The following UBE3D variants were observed in gnomAD, a reference collection of about 807,000 sequenced individuals.
UBE3D encodes ubiquitin protein ligase E3D, also known as E3 ubiquitin-protein ligase E3D.
In UBE3D, 48 loss-of-function variants were observed where a neutral mutation model predicts 49.6. The observed-to-expected ratio is 0.97, with a 90% confidence interval of 0.77 to 1.23. The LOEUF is 1.23. Among genes scored for constraint, UBE3D ranks in the 50% most tolerant of loss-of-function variants. The pLI is 0.00. For missense variants in UBE3D, 452 were observed against 468.4 expected (o/e 0.96, Z 0.32); for synonymous variants, 189 against 174.2 (o/e 1.08, Z -0.67).
chr6:83,006,241 A>G (rs1289305442), intron 8 of UBE3D, among the ~76,000 whole-genome samples: 1 of 151,164 alleles, frequency 6.6e-6, no homozygotes, highest in African/African-American at 2.4e-5. Flanking sequence ...CAAACAAACA[A>G]AAAAAAAAAA....
chr6:83,006,256 C>T (rs1341265626), intron 8 of UBE3D, among the ~76,000 whole-genome samples: 2 of 151,918 alleles, frequency 1.3e-5, no homozygotes, highest in African/African-American at 2.4e-5. Context: ...AAAAAAGTAG[C>T]CAATGTTATG....
intron 8 of UBE3D, among the ~76,000 whole-genome samples, chr6:82,977,073 C>CA (rs1777773490): frequency 1.4e-5 from 2 of 139,396 alleles, no homozygotes; most frequent in African/African-American, 2.8e-5. Context: ...GAGATTGTGC[C>CA]ACTGCACTCC....
intron 1 of UBE3D, 124 bp from the exon 2 acceptor site, chr6:83,058,146 C>T: frequency 2.2e-6 from 2 of 897,138 alleles, no homozygotes. Flanking sequence ...GTCACTGCCC[C>T]AGAAAAACAG....
intron 3 of UBE3D, chr6:83,049,891 G>A: frequency 2.2e-6 from 1 of 446,688 alleles, no homozygotes; most frequent in South Asian, 1.6e-5. Context: ...CTGTTTCTGA[G>A]ACTATTCACA....
At chr6:82,887,338 G>A in the UBE3D span, among the ~76,000 whole-genome samples, 2 of 143,818 alleles carry the variant, frequency 1.4e-5, no homozygotes, top group East Asian at 2.0e-4. Context: ...AAAAAAAAAA[G>A]GGAGAGAGAG....
At position 83,044,630 on chromosome 6, in the gene UBE3D, C is replaced by T. The variant is rs1159865367; in HGVS notation, c.395G>A (p.Ser132Asn). The change falls in exon 4 of 10, where the codon AGT (serine) becomes AAT (asparagine). Residue 132 changes from serine (S) to asparagine (N), a missense_variant. Physicochemically the swap from Ser to Asn is conservative, Grantham distance 46. Coordinates refer to ENST00000369747, the MANE Select transcript of UBE3D (RefSeq NM_198920.3). ...RKLLRVLPLP[S>N]ENWGALVGEW... ...TCCAACTAGAGCTCCCCAGTTCTCA[C>T]TCGGCAGTGGGAGCACCCTGAGGAG... is the stretch of plus-strand genomic sequence containing the variant. 3.2e-5 allele frequency: 51 copies of T among 1,613,990 alleles called. No homozygotes were observed. Among genetic ancestry groups the T allele is most frequent in the Non-Finnish European group, 4.1e-5 (48 of 1,179,974 alleles).
intron 4 of UBE3D, among the ~76,000 whole-genome samples, chr6:83,041,159 G>A (rs1187046259): frequency 1.3e-5 from 2 of 152,184 alleles, no homozygotes; most frequent in Non-Finnish European, 2.9e-5. Flanking sequence ...TGCTTGAAAA[G>A]AAAGAATTTT....
chr6:82,893,417 T>TA (rs1347510218), intron 9 of UBE3D, among the ~76,000 whole-genome samples: 1 of 152,190 alleles, frequency 6.6e-6, no homozygotes, highest in African/African-American at 2.4e-5. Flanking sequence ...TCCTCATCCC[T>TA]ATAGGTAATT....
intron 9 of UBE3D, among the ~76,000 whole-genome samples, chr6:82,936,178 G>T (rs1313911269): frequency 6.6e-6 from 1 of 152,032 alleles, no homozygotes; most frequent in Admixed American, 6.6e-5. Context: ...ATTCCATCCT[G>T]CCCCTGCCAA....
chr6:82,992,629 G>C (rs532486094), intron 8 of UBE3D, among the ~76,000 whole-genome samples: 1 of 152,062 alleles, frequency 6.6e-6, no homozygotes, highest in African/African-American at 2.4e-5. Context: ...ACAGTTACAC[G>C]CCTTCTTTTT....
chr6:83,013,761 C>T (rs947115110), intron 8 of UBE3D, among the ~76,000 whole-genome samples: 12 of 152,082 alleles, frequency 7.9e-5, no homozygotes, highest in African/African-American at 2.4e-4. Context: ...GAATTTTAAT[C>T]GGATTTATTT....
intron 9 of UBE3D, among the ~76,000 whole-genome samples, chr6:82,948,140 G>A (rs771658280): frequency 1.7e-4 from 25 of 151,338 alleles, no homozygotes; most frequent in African/African-American, 5.6e-4. Flanking sequence ...GAATAACTAC[G>A]AAAACATGAG....
chr6:82,928,535 C>T (rs1773919575), intron 9 of UBE3D, among the ~76,000 whole-genome samples: 1 of 152,122 alleles, frequency 6.6e-6, no homozygotes, highest in South Asian at 2.1e-4. Flanking sequence ...GTTTCAGGGA[C>T]ACCAACCACC....
At chr6:82,893,638 G>A (rs1403683855) in intron 9 of UBE3D, among the ~76,000 whole-genome samples, 3 of 152,180 alleles carry the variant, frequency 2.0e-5, no homozygotes, top group Non-Finnish European at 2.9e-5. Flanking sequence ...AATCATAAAT[G>A]TTTAGAAAGG....
At chr6:82,954,103 G>T (rs1029959524) in intron 9 of UBE3D, among the ~76,000 whole-genome samples, 3 of 152,212 alleles carry the variant, frequency 2.0e-5, no homozygotes, top group African/African-American at 7.2e-5. Context: ...GGGCCAAGAT[G>T]TTCCCCGGCC....
chr6:83,040,762 GC>G (rs1782616672), intron 4 of UBE3D, among the ~76,000 whole-genome samples: 1 of 152,182 alleles, frequency 6.6e-6, no homozygotes, highest in South Asian at 2.1e-4. Context: ...CCCAAAGTGG[GC>G]CCCACAGTGT....
At chr6:83,059,621 T>C (rs1344656118) in intron 1 of UBE3D, among the ~76,000 whole-genome samples, 1 of 152,218 alleles carries the variant, frequency 6.6e-6, no homozygotes, top group East Asian at 1.9e-4. Context: ...CATCTCTGGT[T>C]TATCACATTT....
At chr6:83,053,515 G>A (rs1256537217) in intron 3 of UBE3D, among the ~76,000 whole-genome samples, 2 of 151,742 alleles carry the variant, frequency 1.3e-5, no homozygotes, top group Non-Finnish European at 2.9e-5. Context: ...TGACATGAGG[G>A]ACAAAAGAAA....
chr6:82,956,972 A>T (rs940225487), intron 9 of UBE3D, among the ~76,000 whole-genome samples: 1 of 152,064 alleles, frequency 6.6e-6, no homozygotes, highest in African/African-American at 2.4e-5. Context: ...TACTAAAAAC[A>T]CAAAAATTTA....
Sources: allele counts gnomAD v4.1 joint callset (sites outside exome capture counted in the v4.1 genomes callset), GRCh38; gene constraint gnomAD v4.1.1; transcripts MANE v1.5; gene names NCBI Gene and HGNC (gene_info 2026-07-23, HGNC 2026-07-21).